ZNRF3: variants seen among roughly 807,000 people sequenced by gnomAD.
ZNRF3 encodes the protein E3 ubiquitin-protein ligase ZNRF3.
In ZNRF3, 23 loss-of-function variants were observed where a neutral mutation model predicts 72.5. That is an observed-to-expected ratio of 0.32 (90% CI 0.23 to 0.45). The LOEUF is 0.45. ZNRF3 is among the 20% of genes least tolerant of loss of function. The pLI, the probability that ZNRF3 is intolerant of heterozygous loss-of-function variation, is 1.00. For missense variants in ZNRF3, 1,169 were observed against 1,272.1 expected (o/e 0.92, Z 1.23); for synonymous variants, 610 against 545.3 (o/e 1.12, Z -1.65).
At chr22:29,027,632 G>T (rs2036665374) in intron 2 of ZNRF3, among the ~76,000 whole-genome samples, 1 of 152,192 alleles carries the variant, frequency 6.6e-6, no homozygotes, top group African/African-American at 2.4e-5. Flanking sequence ...CCAGACTCAT[G>T]CTGTGTCATC....
In ZNRF3 at chr22:28,992,239, T is replaced by C. The variant is rs555371419; in HGVS notation, c.426+5038T>C. On this transcript the variant is annotated intron_variant, in intron 2 of 8. Coordinates refer to ENST00000544604, the MANE Select transcript of ZNRF3 (RefSeq NM_001206998.2). ...AACGAAAAAGAAATCAGATGCCTTT[T>C]AGTAGTCAAAGGCTTGGTTAAAACT... 8.9e-4 allele frequency among the ~76,000 whole-genome samples: 122 copies of C among 137,364 alleles called. 2 individuals are homozygous for C. In the South Asian group the frequency reaches 0.025, roughly 28 times the overall value. 90.1% of individuals were successfully genotyped at this position (137,364 alleles called of 152,430 possible). A position where few individuals can be genotyped will look rare whatever the true frequency, so the allele number is the denominator to read the frequency against.
chr22:28,889,204 A>T (rs2033844284), intron 1 of ZNRF3, among the ~76,000 whole-genome samples: 1 of 152,126 alleles, frequency 6.6e-6, no homozygotes, highest in Non-Finnish European at 1.5e-5. Flanking sequence ...TTTGACATTA[A>T]TTCAAGTCTA....
chr22:29,007,258 GA>G (rs1316334215), intron 2 of ZNRF3, among the ~76,000 whole-genome samples: 1 of 152,178 alleles, frequency 6.6e-6, no homozygotes, highest in Non-Finnish European at 1.5e-5. Context: ...ATTCTAGGGG[GA>G]AAGTTTGGTT....
intron 1 of ZNRF3, among the ~76,000 whole-genome samples, chr22:28,926,107 C>T (rs1040771992): frequency 6.6e-6 from 1 of 152,066 alleles, no homozygotes; most frequent in African/African-American, 2.4e-5. Flanking sequence ...AATGACTTGC[C>T]CTCTCACATT....
intron 1 of ZNRF3, among the ~76,000 whole-genome samples, chr22:28,885,930 C>CAAAAAAAAAA (rs5844826): frequency 7.9e-6 from 1 of 126,536 alleles, no homozygotes; most frequent in African/African-American, 2.8e-5. Context: ...TTAGCCTAGC[C>CAAAAAAAAAA]AAAAAAAAAA....
chr22:28,964,006 A>G (rs536629988), intron 1 of ZNRF3, among the ~76,000 whole-genome samples: 1 of 152,320 alleles, frequency 6.6e-6, no homozygotes, highest in South Asian at 2.1e-4. Context: ...TGTTACTACT[A>G]CCAACCCACC....
At chr22:28,935,883 T>C (rs2034810138) in intron 1 of ZNRF3, among the ~76,000 whole-genome samples, 1 of 151,924 alleles carries the variant, frequency 6.6e-6, no homozygotes, top group Non-Finnish European at 1.5e-5. Context: ...GAGAGGTGAG[T>C]AGATGATGCA....
At chr22:28,900,335 C>T (rs953176549) in intron 1 of ZNRF3, among the ~76,000 whole-genome samples, 5 of 152,198 alleles carry the variant, frequency 3.3e-5, no homozygotes, top group South Asian at 2.1e-4. Context: ...TCACGAGCTT[C>T]GGCAGACAGA....
intron 1 of ZNRF3, among the ~76,000 whole-genome samples, chr22:28,943,887 A>G (rs888436868): frequency 1.3e-5 from 2 of 152,040 alleles, no homozygotes; most frequent in Admixed American, 6.6e-5. Context: ...CTTATTTTGC[A>G]TGGACAGCTT....
Position 28,915,845 on chromosome 22 carries a change from G to A in ZNRF3, c.300+31779G>A, listed in dbSNP as rs554088815. 7.9e-5 allele frequency among the ~76,000 whole-genome samples: 12 copies of A among 152,170 alleles called. No homozygotes were observed. In the South Asian group the frequency reaches 8.3e-4, roughly 11 times the overall value. ...TAGGTCTGACCACTGACACACACAC[G>A]GGCACCGCCCCCATATCCCACCCCA... On this transcript the variant is annotated intron_variant, in intron 1 of 8. Coordinates refer to ENST00000544604, the MANE Select transcript of ZNRF3 (RefSeq NM_001206998.2).
rs765054710 is a variant in ZNRF3, at chr22:29,050,488, A to T, written c.2307A>T (p.Thr769=). The stretch of plus-strand genomic sequence containing the variant: ...TTCACCCCGACCATTTGCCCAGGAC[A>T]GATGGGGTGAAATACGAGGGTCTGC... ...YGLHPDHLPR[T]DGVKYEGLPC... Residue 769 remains threonine, a synonymous_variant, in exon 8 of 9, where the codon ACA becomes ACT. Transcript: ENST00000544604. The T allele has an allele frequency of 8.4e-5, 135 of 1,612,710 alleles. No individual in the cohort carries two copies. Among genetic ancestry groups the T allele is most frequent in the Non-Finnish European group, 1.1e-4 (131 of 1,179,934 alleles).
chr22:28,923,187 T>C (rs924569858), intron 1 of ZNRF3, among the ~76,000 whole-genome samples: 8 of 152,216 alleles, frequency 5.3e-5, no homozygotes, highest in Admixed American at 5.2e-4. Context: ...TAGTGGATTT[T>C]TGAGAGTGGG....
chr22:29,040,936 T>C (rs868023662), intron 2 of ZNRF3, among the ~76,000 whole-genome samples: 2 of 152,346 alleles, frequency 1.3e-5, no homozygotes, highest in South Asian at 2.1e-4. Flanking sequence ...GCCACATCAA[T>C]GTAGAGCGAT....
At chr22:28,928,963 T>C (rs1320125500) in intron 1 of ZNRF3, among the ~76,000 whole-genome samples, 1 of 152,168 alleles carries the variant, frequency 6.6e-6, no homozygotes, top group East Asian at 1.9e-4. Flanking sequence ...ACTACCACAG[T>C]TTCAAACCAA....
At chr22:29,024,673 C>A (rs557237546) in intron 2 of ZNRF3, among the ~76,000 whole-genome samples, 20 of 151,964 alleles carry the variant, frequency 1.3e-4, no homozygotes, top group Non-Finnish European at 2.6e-4. Context: ...TATGATTGTA[C>A]CTTCATGGTA....
At chr22:29,043,465 C>G (rs747283032) in intron 4 of ZNRF3, 35 bp downstream of exon 4, 1 of 1,609,474 alleles carries the variant, frequency 6.2e-7, no homozygotes. Flanking sequence ...AGGCTCGGGG[C>G]CTTCTCTGCT....
intron 1 of ZNRF3, among the ~76,000 whole-genome samples, chr22:28,894,481 T>C (rs1347188319): frequency 6.6e-6 from 1 of 152,004 alleles, no homozygotes; most frequent in Non-Finnish European, 1.5e-5. Flanking sequence ...GCCCTTGTAT[T>C]CTGGGCAGGA....
Position 28,957,661 on chromosome 22 carries a change from A to C in ZNRF3, c.301-29415A>C, listed in dbSNP as rs1301195253. Reference sequence around the variant, plus strand: ...TCACCATGTTGGCCAGGCTGGTCTCAAACTCCTGGCCTTGTGATCCGCTCG... The same window carrying C: ...TCACCATGTTGGCCAGGCTGGTCTCCAACTCCTGGCCTTGTGATCCGCTCG... On this transcript the variant is annotated intron_variant, in intron 1 of 8. Transcript: ENST00000544604. 3.3e-5 allele frequency among the ~76,000 whole-genome samples: 5 copies of C among 151,640 alleles called. No individual in the cohort carries two copies. In the South Asian group the frequency reaches 8.4e-4, roughly 25 times the overall value.
At chr22:29,028,683 T>C (rs1473866334) in intron 2 of ZNRF3, among the ~76,000 whole-genome samples, 2 of 152,182 alleles carry the variant, frequency 1.3e-5, no homozygotes, top group African/African-American at 2.4e-5. Context: ...ACGTAACCTT[T>C]GAGCCTCCAG....
Sources: gnomAD v4.1 joint callset for allele counts (sites outside exome capture counted in the v4.1 genomes callset) on GRCh38, gnomAD v4.1.1 for gene constraint, MANE v1.5 for transcripts, NCBI Gene and HGNC (gene_info 2026-07-23, HGNC 2026-07-21) for gene names.